DMXL1: variants seen among roughly 807,000 people sequenced by gnomAD.
DMXL1 encodes the protein Dmx like 1.
Under a neutral mutation model 319.2 loss-of-function variants are expected in DMXL1, and 99 were observed. The ratio of observed to expected loss-of-function variants is 0.31; its 90% confidence interval spans 0.26 to 0.37. The LOEUF is 0.37. Among genes scored for constraint, DMXL1 ranks in the 10% least tolerant of loss-of-function variants. The pLI is 1.00. For missense variants in DMXL1, 3,745 were observed against 3,595.6 expected (o/e 1.04, Z -1.06); for synonymous variants, 1,385 against 1,235.2 (o/e 1.12, Z -2.54).
chr5:119,105,296 A>G lies in DMXL1; in HGVS notation c.364+38A>G, dbSNP rs374746884. 6 of 1,488,506 alleles carry G rather than the reference A, an allele frequency of 4.0e-6. No individual in the cohort carries two copies. The African/African-American group carries it at 8.3e-5, about 21-fold the overall frequency. The allele number at this position is 1,488,506 out of a possible 1,614,324, so 92.2% of individuals were successfully genotyped here. A position where few individuals can be genotyped will look rare whatever the true frequency, so the allele number is the denominator to read the frequency against. On this transcript the variant is annotated intron_variant, in intron 4 of 43. Coordinates refer to ENST00000539542, the MANE Select transcript of DMXL1 (RefSeq NM_001290321.3). ...GCAGGATTAACTAAAATGAAATATC[A>G]CTTGCCTAGTTGTTCTTATTTTTAT... is the stretch of plus-strand genomic sequence containing the variant.
chr5:119,114,421 A>G (rs751346528), intron 5 of DMXL1, 54 bp from the exon 6 acceptor site: 3 of 1,278,704 alleles, frequency 2.3e-6, no homozygotes, highest in Non-Finnish European at 1.1e-6. Context: ...AGAATATTGA[A>G]CTTTTTCTTT....
intron 8 of DMXL1, among the ~76,000 whole-genome samples, chr5:119,120,524 A>G (rs1313942639): frequency 6.6e-6 from 1 of 152,256 alleles, no homozygotes; most frequent in Non-Finnish European, 1.5e-5. Flanking sequence ...GATCTCTATG[A>G]AAATGCTTTG....
At chr5:119,084,054 T>C (rs1752791223) in intron 1 of DMXL1, among the ~76,000 whole-genome samples, 1 of 152,200 alleles carries the variant, frequency 6.6e-6, no homozygotes, top group Non-Finnish European at 1.5e-5. Flanking sequence ...TGTTGAACAT[T>C]TTTTCATATA....
In DMXL1 at chr5:119,193,940, T is replaced by G. The variant is rs760591132; in HGVS notation, c.7427T>G (p.Leu2476Arg). 23 of 1,609,366 alleles carry G rather than the reference T, an allele frequency of 1.4e-5. No homozygotes were observed. The highest frequency in any genetic ancestry group is 4.2e-6 in the Non-Finnish European group (5 of 1,177,148). Reference sequence around the variant, plus strand: ...GATGTTTTAGCATCAGATTTCCATCTCCAGGAACATTCTAATTCAAATTCA... The same window carrying G: ...GATGTTTTAGCATCAGATTTCCATCGCCAGGAACATTCTAATTCAAATTCA... The part of the protein sequence containing the change: ...DDDVLASDFH[L>R]QEHSNSNSYS... Residue 2476 changes from leucine (L) to arginine (R), a missense_variant, in exon 30 of 44, where the codon CTC (leucine) becomes CGC (arginine). Physicochemically the swap from Leu to Arg is moderately radical, Grantham distance 102. Around this residue, in one of 4 missense-constraint regions of DMXL1, gnomAD observed 1,382 missense variants for 1,269.5 expected, o/e 1.09. Coordinates refer to ENST00000539542, the MANE Select transcript of DMXL1 (RefSeq NM_001290321.3).
chr5:119,096,661 G>A (rs918163336), intron 1 of DMXL1, among the ~76,000 whole-genome samples: 5 of 152,268 alleles, frequency 3.3e-5, no homozygotes, highest in African/African-American at 9.6e-5. Flanking sequence ...AAAAACTCCC[G>A]TGATCAAAGA....
At position 119,249,092 on chromosome 5, in the gene DMXL1, C is replaced by G. The variant is rs1790166321; in HGVS notation, c.*1873C>G. On this transcript the variant is annotated 3_prime_UTR_variant, in exon 44 of 44. Transcript: ENST00000539542. The stretch of plus-strand genomic sequence containing the variant: ...GCCCATATGTATTTACATCCAGAGT[C>G]ATAATATTTTAAATAAACAATCATG... 1 of 152,436 alleles carries G rather than the reference C, an allele frequency of 6.6e-6. No homozygotes were observed. The highest frequency in any genetic ancestry group is 2.1e-4 in the South Asian group (1 of 4,828). The allele number at this position is 152,436 out of a possible 1,614,324, so 9.4% of individuals were successfully genotyped here.
chr5:119,175,006 C>G (rs1218840689), intron 25 of DMXL1, among the ~76,000 whole-genome samples: 2 of 152,056 alleles, frequency 1.3e-5, no homozygotes, highest in African/African-American at 2.4e-5. Context: ...CCCCTTTGCT[C>G]TAGAAAAAGA....
At chr5:119,132,818 CT>C (rs759679954) in intron 10 of DMXL1, 104 of 541,534 alleles carry the variant, frequency 1.9e-4, no homozygotes, top group Non-Finnish European at 3.3e-4. Flanking sequence ...ACAAATGATA[CT>C]TTTATTTTTT....
Position 119,105,201 on chromosome 5 carries a change from A to G in DMXL1, c.307A>G (p.Lys103Glu). 6.2e-7 allele frequency: 1 copy of G among 1,613,064 alleles called. No homozygotes were observed. The highest frequency in any genetic ancestry group is 1.1e-5 in the South Asian group (1 of 91,050). ...TTAGGAATTATATAGTCAGTGGCAGAAAAGTGGCCAATTTTTTCTGGAATC... is the reference window on the plus strand; with the variant it reads ...TTAGGAATTATATAGTCAGTGGCAGGAAAGTGGCCAATTTTTTCTGGAATC... Reference protein sequence around the residue: ...KNLELYSQWQKSGQFFLESIA... With the variant: ...KNLELYSQWQESGQFFLESIA... Residue 103 changes from lysine to glutamate, a missense_variant, in exon 4 of 44, where the codon AAA becomes GAA. By Grantham distance (56) the Lys-to-Glu change is moderately conservative. Coordinates refer to ENST00000539542, the MANE Select transcript of DMXL1 (RefSeq NM_001290321.3).
At chr5:119,126,344 C>G (rs751103061) in intron 9 of DMXL1, among the ~76,000 whole-genome samples, 3 of 152,016 alleles carry the variant, frequency 2.0e-5, no homozygotes, top group Non-Finnish European at 4.4e-5. Context: ...TTGAATGGAA[C>G]GTTTATATTA....
chr5:119,105,291 A>G (rs375995046), intron 4 of DMXL1, 33 bp downstream of exon 4: 4 of 1,506,062 alleles, frequency 2.7e-6, no homozygotes, highest in South Asian at 1.1e-5. Flanking sequence ...CTAAAATGAA[A>G]TATCACTTGC....
intron 15 of DMXL1, among the ~76,000 whole-genome samples, chr5:119,146,030 T>G (rs1209602721): frequency 6.6e-6 from 1 of 151,834 alleles, no homozygotes; most frequent in Non-Finnish European, 1.5e-5. Flanking sequence ...CAAAGTTACC[T>G]TTTCATTTAG....
chr5:119,104,360 T>C (rs1213310217), intron 3 of DMXL1: 2 of 152,220 alleles, frequency 1.3e-5, no homozygotes, highest in Non-Finnish European at 2.9e-5. Context: ...CAAAATCACC[T>C]GGGGTGTTAA....
chr5:119,124,941 A>G (rs1273418370), intron 9 of DMXL1, among the ~76,000 whole-genome samples: 4 of 152,208 alleles, frequency 2.6e-5, no homozygotes, highest in African/African-American at 9.6e-5. Context: ...AGATACTTCT[A>G]TTAACAGAGC....
chr5:119,071,122 T>A lies in DMXL1; in HGVS notation c.-448T>A, dbSNP rs1580503928. 5.4e-6 allele frequency: 1 copy of A among 184,160 alleles called. No individual in the cohort carries two copies. The highest frequency in any genetic ancestry group is 1.1e-5 in the Non-Finnish European group (1 of 87,148). 11.4% of individuals were successfully genotyped at this position (184,160 alleles called of 1,614,324 possible). A position where few individuals can be genotyped will look rare whatever the true frequency, so the allele number is the denominator to read the frequency against. ...AGTGAGTGGCGGAGGACTGTGGGGG[T>A]GGCGGGCACCGGAGCCGGGAAGGGA... On this transcript the variant is annotated 5_prime_UTR_variant, in exon 1 of 44. Coordinates refer to ENST00000539542, the MANE Select transcript of DMXL1 (RefSeq NM_001290321.3).
intron 35 of DMXL1, among the ~76,000 whole-genome samples, chr5:119,219,565 A>AT (rs199560128): frequency 0.024 from 3,583 of 151,512 alleles, 124 homozygotes; most frequent in African/African-American, 0.08. Context: ...TAATTAATTA[A>AT]TTAATTTATT....
chr5:119,208,103 T>C (rs997256960), intron 34 of DMXL1, among the ~76,000 whole-genome samples: 1 of 152,114 alleles, frequency 6.6e-6, no homozygotes, highest in African/African-American at 2.4e-5. Flanking sequence ...AACTATCTAG[T>C]GGCCTTTGGG....
chr5:119,160,377 T>C (rs1772021631), intron 19 of DMXL1, among the ~76,000 whole-genome samples: 1 of 152,238 alleles, frequency 6.6e-6, no homozygotes, highest in African/African-American at 2.4e-5. Flanking sequence ...TCTCATTTCA[T>C]ACTATTGTGA....
chr5:119,118,700 T>C (rs1761380724), intron 7 of DMXL1, 115 bp from the exon 8 acceptor site: 1 of 760,952 alleles, frequency 1.3e-6, no homozygotes, highest in Non-Finnish European at 2.1e-6. Flanking sequence ...CATATTGATA[T>C]TTTCTTCATT....
Sources: allele counts gnomAD v4.1 joint callset (sites outside exome capture counted in the v4.1 genomes callset), GRCh38; gene constraint gnomAD v4.1.1; regional missense constraint gnomAD v4.1.1; transcripts MANE v1.5; gene names NCBI Gene and HGNC (gene_info 2026-07-23, HGNC 2026-07-21).